GFRA1: variants seen among roughly 807,000 people sequenced by gnomAD.
GFRA1 encodes GDNF family receptor alpha 1, also known as GDNF family receptor alpha-1.
GFRA1 carries 16 observed loss-of-function variants against 51.6 expected under a neutral mutation model. The ratio of observed to expected loss-of-function variants is 0.31; its 90% confidence interval spans 0.21 to 0.47. The LOEUF is 0.47. GFRA1 is among the 20% of genes least tolerant of loss of function. The pLI, the probability that GFRA1 is intolerant of heterozygous loss-of-function variation, is 1.00. For synonymous variants in GFRA1, 270 were observed against 241.3 expected, an observed-to-expected ratio of 1.12 and a Z score of -1.10; for missense variants, 530 against 594.3, an observed-to-expected ratio of 0.89 and a Z score of 1.13.
At chr10:116,187,541 T>G (rs1190989601) in intron 5 of GFRA1, among the ~76,000 whole-genome samples, 37 of 152,118 alleles carry the variant, frequency 2.4e-4, no homozygotes, top group Non-Finnish European at 2.9e-5. Flanking sequence ...AATCTAGGAG[T>G]TAGTGGCACC....
At chr10:116,094,674 G>A (rs141940533) in intron 7 of GFRA1, among the ~76,000 whole-genome samples, 11 of 152,264 alleles carry the variant, frequency 7.2e-5, no homozygotes, top group Non-Finnish European at 1.6e-4. Context: ...TCAGTAGTCC[G>A]CAGGGTGTAT....
chr10:116,244,464 T>C (rs998323793), intron 4 of GFRA1, among the ~76,000 whole-genome samples: 1 of 122,586 alleles, frequency 8.2e-6, no homozygotes, highest in Non-Finnish European at 1.7e-5. Context: ...AATTTAATTT[T>C]AATATATAAT....
chr10:116,255,653 T>A, intron 4 of GFRA1: 1 of 1,289,024 alleles, frequency 7.8e-7, no homozygotes, highest in Non-Finnish European at 1.0e-6. Flanking sequence ...ACTCCCCACA[T>A]CCCCACATTC....
chr10:116,142,203 G>A (rs1168940540), intron 5 of GFRA1, among the ~76,000 whole-genome samples: 1 of 152,226 alleles, frequency 6.6e-6, no homozygotes, highest in Non-Finnish European at 1.5e-5. Flanking sequence ...GGAGGGAAAA[G>A]TGGTTGTGTT....
At chr10:116,218,180 T>C (rs756440454) in intron 4 of GFRA1, among the ~76,000 whole-genome samples, 3 of 152,166 alleles carry the variant, frequency 2.0e-5, no homozygotes, top group East Asian at 1.9e-4. Flanking sequence ...GCCTGACCTT[T>C]GTTTCGGGTA....
At chr10:116,094,536 A>C (rs1956494548) in intron 7 of GFRA1, among the ~76,000 whole-genome samples, 2 of 152,154 alleles carry the variant, frequency 1.3e-5, no homozygotes, top group African/African-American at 4.8e-5. Context: ...TGGCACAAAC[A>C]CACAAATTAT....
rs1957242207 is a variant in GFRA1 at position 116,112,277 on chromosome 10, T to C, written c.770+12944A>G. ...GGCATTCCCTCTCCAAGCTGTTAGA[T>C]GAAGCCAGCTAACTCTCCAATAGGA... On this transcript the variant is annotated intron_variant, in intron 6 of 10. Transcript: ENST00000355422. Among the ~76,000 whole-genome samples, 3 of 152,206 alleles carry C rather than the reference T, an allele frequency of 2.0e-5. No homozygotes were observed. The South Asian group carries it at 6.2e-4, about 32-fold the overall frequency.
At chr10:116,147,080 A>C (rs1265841426) in intron 5 of GFRA1, among the ~76,000 whole-genome samples, 1 of 152,108 alleles carries the variant, frequency 6.6e-6, no homozygotes, top group Non-Finnish European at 1.5e-5. Context: ...ATATGTCAAA[A>C]TGTTAACAAT....
chr10:116,172,313 T>C (rs1380469355), intron 5 of GFRA1, among the ~76,000 whole-genome samples: 6 of 152,014 alleles, frequency 3.9e-5, no homozygotes, highest in Non-Finnish European at 8.8e-5. Context: ...GCCCACCTAC[T>C]CGGGAAATAT....
chr10:116,139,767 C>T (rs1156297722), intron 5 of GFRA1, among the ~76,000 whole-genome samples: 3 of 152,178 alleles, frequency 2.0e-5, no homozygotes, highest in Non-Finnish European at 2.9e-5. Context: ...AGTGGGGAAG[C>T]GATAGAGGGC....
chr10:116,228,293 T>C (rs7911126), intron 4 of GFRA1, among the ~76,000 whole-genome samples: 58,945 of 152,096 alleles, frequency 0.39, 12,940 homozygotes, highest in East Asian at 0.56. Flanking sequence ...TGGAGGCTTC[T>C]GATAAGGAAG....
intron 4 of GFRA1, among the ~76,000 whole-genome samples, chr10:116,258,700 T>TA (rs1969080750): frequency 6.6e-6 from 1 of 152,060 alleles, no homozygotes; most frequent in African/African-American, 2.4e-5. Context: ...TACCACTTAT[T>TA]AAGTATGTGC....
chr10:116,159,041 G>A (rs1410432510), intron 5 of GFRA1, among the ~76,000 whole-genome samples: 1 of 152,216 alleles, frequency 6.6e-6, no homozygotes, highest in African/African-American at 2.4e-5. Context: ...CATCAGGCGT[G>A]ATACAGCCAC....
chr10:116,190,761 G>A (rs543276241), intron 5 of GFRA1, among the ~76,000 whole-genome samples: 1 of 152,356 alleles, frequency 6.6e-6, no homozygotes, highest in African/African-American at 2.4e-5. Context: ...CTGTCTAAGA[G>A]GGGTGGGAAA....
chr10:116,064,372 GTCCATATTGTAT>G lies in GFRA1; in HGVS notation c.*14_*25del, dbSNP rs771917843. On this transcript the variant is annotated 3_prime_UTR_variant, in exon 11 of 11. Coordinates refer to ENST00000355422, the MANE Select transcript of GFRA1 (RefSeq NM_005264.8). ...TAACTTGGTTTTTGTCTTTTTACAT[GTCCATATTGTAT>G]TTTTTTAATGCAGCTATGATGTTTC... 1 of 1,601,500 alleles carries G rather than the reference GTCCATATTGTAT, an allele frequency of 6.2e-7. No homozygotes were observed. Among genetic ancestry groups the G allele is most frequent in the Admixed American group, 1.7e-5 (1 of 59,874 alleles).
chr10:116,122,682 T>C (rs942467562), intron 6 of GFRA1, among the ~76,000 whole-genome samples: 11 of 152,158 alleles, frequency 7.2e-5, no homozygotes, highest in African/African-American at 2.4e-4. Context: ...TCTCAATATG[T>C]GTGGGGGAGG....
At chr10:116,113,530 A>G (rs1957295271) in intron 6 of GFRA1, among the ~76,000 whole-genome samples, 1 of 152,246 alleles carries the variant, frequency 6.6e-6, no homozygotes, top group Non-Finnish European at 1.5e-5. Flanking sequence ...TTTAACATAA[A>G]TAAGAAGTAA....
At chr10:116,130,495 C>T (rs1371110830) in intron 5 of GFRA1, among the ~76,000 whole-genome samples, 2 of 152,002 alleles carry the variant, frequency 1.3e-5, no homozygotes, top group Non-Finnish European at 2.9e-5. Context: ...TCACACTAAC[C>T]TTTCTCAAGG....
At chr10:116,209,877 G>A (rs914428017) in intron 5 of GFRA1, among the ~76,000 whole-genome samples, 4 of 152,046 alleles carry the variant, frequency 2.6e-5, no homozygotes, top group Non-Finnish European at 5.9e-5. Flanking sequence ...ATACGAAATG[G>A]TCCAATATGG....
Sources: allele counts gnomAD v4.1 joint callset (sites outside exome capture counted in the v4.1 genomes callset), GRCh38; gene constraint gnomAD v4.1.1; transcripts MANE v1.5; gene names NCBI Gene and HGNC (gene_info 2026-07-23, HGNC 2026-07-21).